The following INTS4 variants were observed in gnomAD, a reference collection of about 807,000 sequenced individuals.
The protein encoded by INTS4 is MSTP093.
Under a neutral mutation model 119.5 loss-of-function variants are expected in INTS4, and 70 were observed. That is an observed-to-expected ratio of 0.59 (90% confidence interval 0.48 to 0.71). The LOEUF (loss-of-function observed/expected upper bound fraction) is 0.71. Among genes scored for constraint, INTS4 ranks in the 30% least tolerant of loss-of-function variants. The pLI is 0.00. For missense variants in INTS4, 867 were observed against 1,173.2 expected, an observed-to-expected ratio of 0.74 and a Z score of 3.81; for synonymous variants, 316 against 419.6, an observed-to-expected ratio of 0.75 and a Z score of 3.02.
chr11:77,989,253 C>T (rs1348464912), intron 2 of INTS4, among the ~76,000 whole-genome samples: 1 of 151,984 alleles, frequency 6.6e-6, no homozygotes, highest in Non-Finnish European at 1.5e-5. Flanking sequence ...TTTGGGAGGC[C>T]GAGGCAGGTG....
At chr11:77,909,411 T>G (rs1347793346) in intron 15 of INTS4, among the ~76,000 whole-genome samples, 1 of 152,210 alleles carries the variant, frequency 6.6e-6, no homozygotes, top group East Asian at 1.9e-4. Flanking sequence ...ACCTACAGAT[T>G]TGGTTTCTAG....
chr11:77,963,941 T>G (rs1855367805), intron 4 of INTS4, among the ~76,000 whole-genome samples: 1 of 152,198 alleles, frequency 6.6e-6, no homozygotes, highest in African/African-American at 2.4e-5. Context: ...ATATGAATAG[T>G]TTTTAAGGAC....
At chr11:77,955,496 C>A (rs1047008245) in intron 8 of INTS4, among the ~76,000 whole-genome samples, 1 of 135,526 alleles carries the variant, frequency 7.4e-6, no homozygotes. Flanking sequence ...TAATCCCAGC[C>A]TTTTTTTTTT....
intron 10 of INTS4, among the ~76,000 whole-genome samples, chr11:77,937,817 G>GTATTTATT (rs4016025): frequency 0.046 from 6,765 of 146,574 alleles, 211 homozygotes; most frequent in African/African-American, 0.079. Context: ...ATATCTTTCT[G>GTATTTATT]TATTTATTTA....
Position 77,906,677 on chromosome 11 carries a change from G to A in INTS4, c.2016+1040C>T, listed in dbSNP as rs115308673. The stretch of plus-strand genomic sequence containing the variant: ...CCATTTAAGTGCCAAGTATACATAC[G>A]CACCTTTACATGTATAGGCACACCT... On this transcript the variant is annotated intron_variant, in intron 16 of 22. Transcript: ENST00000534064. Among the ~76,000 whole-genome samples, 786 of 152,182 alleles carry A rather than the reference G, an allele frequency of 5.2e-3. 3 individuals carry two copies. Among genetic ancestry groups the A allele is most frequent in the African/African-American group, 0.018 (737 of 41,500 alleles).
At chr11:77,960,831 CA>C (rs1173051524) in intron 5 of INTS4, 121 bp downstream of exon 5, 3 of 903,738 alleles carry the variant, frequency 3.3e-6, no homozygotes, top group African/African-American at 3.4e-5. Context: ...GCGAGGCCAC[CA>C]CCAATACCCT....
intron 4 of INTS4, among the ~76,000 whole-genome samples, chr11:77,977,217 A>C (rs1378583095): frequency 6.6e-6 from 1 of 152,194 alleles, no homozygotes; most frequent in Non-Finnish European, 1.5e-5. Flanking sequence ...TTTTAGACTA[A>C]CAATATGCCC....
chr11:77,957,422 C>T (rs1285630273), intron 7 of INTS4, among the ~76,000 whole-genome samples: 3 of 151,482 alleles, frequency 2.0e-5, no homozygotes, highest in Non-Finnish European at 2.9e-5. Context: ...TGGTGGTGCG[C>T]GACTGTAATT....
intron 4 of INTS4, among the ~76,000 whole-genome samples, chr11:77,962,907 C>T (rs557282518): frequency 1.8e-4 from 27 of 151,882 alleles, no homozygotes; most frequent in African/African-American, 6.0e-4. Context: ...CCCAGCTACT[C>T]GGGAGGCTGA....
At chr11:77,936,723 T>A (rs1953800519) in intron 10 of INTS4, among the ~76,000 whole-genome samples, 1 of 150,778 alleles carries the variant, frequency 6.6e-6, no homozygotes, top group Non-Finnish European at 1.5e-5. Context: ...ATAGATACTA[T>A]CCAAAATCAA....
intron 15 of INTS4, among the ~76,000 whole-genome samples, chr11:77,916,092 T>G (rs1021245976): frequency 3.3e-5 from 5 of 152,324 alleles, no homozygotes. Context: ...CTGTGAGCCA[T>G]GTAACATTCT....
At chr11:77,925,016 A>G in intron 11 of INTS4, 124 bp from the exon 12 acceptor site, 1 of 625,208 alleles carries the variant, frequency 1.6e-6, no homozygotes. Flanking sequence ...AGTATGTGGA[A>G]GTTTTTTAGC....
Position 77,891,322 on chromosome 11 carries a change from G to A in INTS4, c.2589C>T (p.Val863=), listed in dbSNP as rs761410185. 1.9e-6 allele frequency: 3 copies of A among 1,609,694 alleles called. No homozygotes were observed. The South Asian group carries it at 3.3e-5, about 18-fold the overall frequency. ...TGAGGACCCAAACCCGACAGACCTG[G>A]ACCTTAACAGTGTTCTGAGGATCCT... ...HVQDPQNTVK[V]QVLYPDGQAQ... Residue 863 remains valine (V), a synonymous_variant, in exon 21 of 23, where the codon GTC becomes GTT. Transcript: ENST00000534064.
chr11:77,879,436 T>C (rs1485725562), intron 22 of INTS4, among the ~76,000 whole-genome samples: 2 of 152,230 alleles, frequency 1.3e-5, no homozygotes, highest in African/African-American at 2.4e-5. Flanking sequence ...CAAATTCTTA[T>C]GCAGGTGTGG....
intron 15 of INTS4, among the ~76,000 whole-genome samples, chr11:77,908,182 T>A (rs79474114): frequency 5.7e-4 from 87 of 152,328 alleles, no homozygotes; most frequent in East Asian, 1.9e-3. Context: ...AGCTACTTAT[T>A]CAATGGTGAA....
chr11:77,966,545 A>G (rs944263144), intron 4 of INTS4, among the ~76,000 whole-genome samples: 45 of 152,156 alleles, frequency 3.0e-4, no homozygotes, highest in African/African-American at 1.0e-3. Flanking sequence ...TCTATTGAAT[A>G]GATTGTCCTT....
intron 2 of INTS4, among the ~76,000 whole-genome samples, chr11:77,982,997 G>A (rs1363082713): frequency 1.3e-5 from 2 of 152,172 alleles, no homozygotes; most frequent in African/African-American, 2.4e-5. Flanking sequence ...CACTTTCTTG[G>A]GAACTTACCT....
At chr11:77,976,485 C>G (rs1027681219) in intron 4 of INTS4, among the ~76,000 whole-genome samples, 4 of 152,120 alleles carry the variant, frequency 2.6e-5, no homozygotes, top group Admixed American at 6.5e-5. Flanking sequence ...GAGTTCGAGA[C>G]CAGCCTAGGC....
intron 3 of INTS4, among the ~76,000 whole-genome samples, chr11:77,980,605 C>T (rs1267424627): frequency 6.6e-6 from 1 of 152,130 alleles, no homozygotes; most frequent in Non-Finnish European, 1.5e-5. Context: ...TCTCAAATTC[C>T]TGGGCTCAAG....
Sources: allele counts gnomAD v4.1 joint callset (sites outside exome capture counted in the v4.1 genomes callset), GRCh38; gene constraint gnomAD v4.1.1; transcripts MANE v1.5; gene names NCBI Gene and HGNC (gene_info 2026-07-23, HGNC 2026-07-21).